Variants in ABCC9 observed in about 807,000 individuals in gnomAD.
ABCC9 encodes the protein ATP-binding cassette sub-family C member 9.
A neutral mutation model predicts 188.3 loss-of-function variants in ABCC9; 95 were observed. That is an observed-to-expected ratio of 0.50 (90% CI 0.43 to 0.60). The LOEUF is 0.60. ABCC9 is among the 20% of genes least tolerant of loss of function. The pLI is 0.00. For missense variants in ABCC9, 1,102 were observed against 1,876.3 expected, an observed-to-expected ratio of 0.59 and a Z score of 7.62; for synonymous variants, 659 against 652.7, an observed-to-expected ratio of 1.01 and a Z score of -0.15.
rs1422424438 is a variant in ABCC9 at position 21,800,982 on chromosome 12, G to T, written c.*62C>A. 4.4e-6 allele frequency: 7 copies of T among 1,593,854 alleles called. No homozygotes were observed. The highest frequency in any genetic ancestry group is 6.0e-6 in the Non-Finnish European group (7 of 1,165,244). ...GCCACTTTACAGAGGTCAAGCTGAT[G>T]ATCCATTAATTAGGTTATGACTGCA... On this transcript the variant is annotated 3_prime_UTR_variant, in exon 40 of 40. Transcript: ENST00000261200.
intron 14 of ABCC9, among the ~76,000 whole-genome samples, chr12:21,888,827 GAAATA>G (rs753044766): frequency 3.9e-5 from 6 of 151,996 alleles, no homozygotes; most frequent in East Asian, 1.9e-4. Flanking sequence ...CATCATCCTA[GAAATA>G]AAATAATATA....
chr12:21,871,547 T>C (rs1249617660), intron 18 of ABCC9, among the ~76,000 whole-genome samples: 6 of 152,186 alleles, frequency 3.9e-5, no homozygotes, highest in African/African-American at 7.2e-5. Context: ...AAAAGGCCCA[T>C]AGTCTTCTCA....
intron 3 of ABCC9, among the ~76,000 whole-genome samples, chr12:21,935,335 C>A: frequency 6.6e-6 from 1 of 152,118 alleles, no homozygotes; most frequent in Non-Finnish European, 1.5e-5. Flanking sequence ...CCATTCTGGT[C>A]TCAATATATT....
chr12:21,827,157 G>A, intron 31 of ABCC9: 1 of 985,370 alleles, frequency 1.0e-6, no homozygotes, highest in South Asian at 4.7e-5. Context: ...AAACAATTTT[G>A]AGTTTGGCTG....
rs184317395 is a variant in ABCC9 at position 21,938,633 on chromosome 12, G to T, written c.-20-1939C>A. Among the ~76,000 whole-genome samples, 19 of 152,276 alleles carry T rather than the reference G, an allele frequency of 1.2e-4. 1 individual carries two copies. The highest frequency in any genetic ancestry group is 6.2e-4 in the South Asian group (3 of 4,830). ...ACTTTCCTCGCACAAACTAGAAAAT[G>T]ATTTTTACTTTAGCAACTTTTATAA... On this transcript the variant is annotated intron_variant, in intron 2 of 39. Transcript: ENST00000261200.
chr12:21,808,338 T>C (rs763750643), intron 37 of ABCC9, among the ~76,000 whole-genome samples: 11 of 152,234 alleles, frequency 7.2e-5, no homozygotes, highest in Non-Finnish European at 1.6e-4. Context: ...TGGTCATCTT[T>C]ACTAAGATGA....
rs141925577 is a variant in ABCC9, at chr12:21,872,668, G to A, written c.2155C>T (p.Leu719Phe). The A allele has an allele frequency of 2.5e-6, 4 of 1,613,656 alleles. No homozygotes were observed. The highest frequency in any genetic ancestry group is 3.4e-6 in the Non-Finnish European group (4 of 1,179,814). Residue 719 changes from leucine (L) to phenylalanine (F), a missense_variant, in exon 18 of 40, where the codon CTC (leucine) becomes TTC (phenylalanine). Physicochemically the swap from Leu to Phe is conservative, Grantham distance 22. Coordinates refer to ENST00000261200, the MANE Select transcript of ABCC9 (RefSeq NM_020297.4). ...CGKSSLLLAI[L>F]GEMQTLEGKV... ...CCTTCCAATGTCTGCATCTCACCGA[G>A]GATGGCAAGGAGAAGAGAGGACTTC...
At chr12:21,905,115 C>G (rs562671759) in intron 12 of ABCC9, among the ~76,000 whole-genome samples, 1 of 151,784 alleles carries the variant, frequency 6.6e-6, no homozygotes, top group Non-Finnish European at 1.5e-5. Context: ...AGGATGAGTT[C>G]ATGTAGGGAC....
chr12:21,915,750 A>G lies in ABCC9; in HGVS notation c.734T>C (p.Leu245Pro), dbSNP rs766792143. 2 of 1,613,024 alleles carry G rather than the reference A, an allele frequency of 1.2e-6. No homozygotes were observed. The highest frequency in any genetic ancestry group is 1.7e-6 in the Non-Finnish European group (2 of 1,179,694). The change falls in exon 7 of 40, where the codon CTG (leucine) becomes CCG (proline). Residue 245 changes from leucine to proline, a missense_variant. Physicochemically the swap from Leu to Pro is moderately conservative, Grantham distance 98 (BLOSUM62 -3). This residue lies in a region of ABCC9 where 305 missense variants were observed against 573.0 expected (regional missense o/e 0.53). Transcript: ENST00000261200. Reference protein sequence around the residue: ...IISAHKKPIDLKAIGKLPIAM... With the variant: ...IISAHKKPIDPKAIGKLPIAM... Reference sequence around the variant, plus strand: ...TATTGGCAATTTTCCAATTGCCTTCAGATCAATAGGCTTTTTGTGAGCAGA... The same window carrying G: ...TATTGGCAATTTTCCAATTGCCTTCGGATCAATAGGCTTTTTGTGAGCAGA...
intron 25 of ABCC9, among the ~76,000 whole-genome samples, chr12:21,847,715 T>C (rs1250768485): frequency 1.3e-5 from 2 of 152,174 alleles, no homozygotes; most frequent in Non-Finnish European, 2.9e-5. Context: ...TTCATGGCTA[T>C]ATTGTCATGA....
intron 2 of ABCC9, among the ~76,000 whole-genome samples, chr12:21,937,190 A>G (rs531159117): frequency 6.6e-6 from 1 of 152,280 alleles, no homozygotes; most frequent in South Asian, 2.1e-4. Flanking sequence ...TAATATACAG[A>G]AACAAGTGTG....
intron 39 of ABCC9, chr12:21,805,106 T>C (rs1280718265): frequency 2.0e-5 from 32 of 1,606,044 alleles, no homozygotes; most frequent in Admixed American, 8.3e-5. Flanking sequence ...TAGCCATGCC[T>C]TACTGAGAGG....
chr12:21,804,873 C>CT (rs1192372796), intron 39 of ABCC9, among the ~76,000 whole-genome samples: 128 of 152,314 alleles, frequency 8.4e-4, no homozygotes, highest in African/African-American at 2.9e-3. Flanking sequence ...TTTATGGATG[C>CT]TTACAAAACA....
chr12:21,886,366 T>C (rs1592149406), intron 15 of ABCC9, among the ~76,000 whole-genome samples: 1 of 152,166 alleles, frequency 6.6e-6, no homozygotes, highest in East Asian at 1.9e-4. Context: ...TTGAGTCCTC[T>C]TTCTCCCTCA....
At chr12:21,907,774 C>A (rs1020729748) in intron 11 of ABCC9, among the ~76,000 whole-genome samples, 1 of 151,978 alleles carries the variant, frequency 6.6e-6, no homozygotes. Flanking sequence ...CCTCAAAGTA[C>A]GCTTAAGATT....
intron 22 of ABCC9, among the ~76,000 whole-genome samples, chr12:21,852,981 T>C (rs1945044707): frequency 6.6e-6 from 1 of 152,170 alleles, no homozygotes; most frequent in African/African-American, 2.4e-5. Context: ...ATGAAAAAGA[T>C]AATTGTACTT....
At chr12:21,891,643 G>A (rs964493976) in intron 14 of ABCC9, among the ~76,000 whole-genome samples, 3 of 152,158 alleles carry the variant, frequency 2.0e-5, no homozygotes, top group Admixed American at 1.3e-4. Context: ...ATTCTCCTCC[G>A]GTAGAGAAGT....
intron 22 of ABCC9, among the ~76,000 whole-genome samples, chr12:21,858,046 G>A (rs1048534504): frequency 6.6e-6 from 1 of 152,084 alleles, no homozygotes; most frequent in South Asian, 2.1e-4. Flanking sequence ...GTAATGAAAG[G>A]GTGGGAATTG....
At chr12:21,844,639 A>G (rs1565729722) in intron 27 of ABCC9, 87 bp from the exon 28 acceptor site, 1 of 1,555,290 alleles carries the variant, frequency 6.4e-7, no homozygotes, top group Non-Finnish European at 8.9e-7. Flanking sequence ...TGTCATGAAA[A>G]TGAGAAGCTC....
Sources: allele counts gnomAD v4.1 joint callset (sites outside exome capture counted in the v4.1 genomes callset), GRCh38; gene constraint gnomAD v4.1.1; regional missense constraint gnomAD v4.1.1; transcripts MANE v1.5; gene names NCBI Gene and HGNC (gene_info 2026-07-23, HGNC 2026-07-21).